TBL1X: variants seen among roughly 807,000 people sequenced by gnomAD.
The protein encoded by TBL1X is F-box-like/WD repeat-containing protein TBL1X.
TBL1X carries 10 observed loss-of-function variants against 50.7 expected under a neutral mutation model. The ratio of observed to expected loss-of-function variants is 0.20; its 90% CI spans 0.12 to 0.33. The LOEUF (loss-of-function observed/expected upper bound fraction) is 0.33, where lower values mean the gene tolerates loss of function less well. Among genes scored for constraint, TBL1X ranks in the 10% least tolerant of loss-of-function variants. The pLI is 1.00. For missense variants in TBL1X, 340 were observed against 504.4 expected, an observed-to-expected ratio of 0.67 and a Z score of 3.12; for synonymous variants, 190 against 214.7, an observed-to-expected ratio of 0.88 and a Z score of 1.01.
At chrX:9,638,891 T>C (rs1420616641) in intron 2 of TBL1X, among the ~76,000 whole-genome samples, 1 of 111,369 alleles carries the variant, frequency 9.0e-6, no homozygotes, top group Non-Finnish European at 1.9e-5. Flanking sequence ...ATAAGGAGTA[T>C]TGTCCTGTTT....
intron 2 of TBL1X, among the ~76,000 whole-genome samples, chrX:9,557,298 A>G (rs1221140049): frequency 1.8e-5 from 2 of 112,552 alleles, no homozygotes; most frequent in Non-Finnish European, 1.9e-5. Flanking sequence ...GACACAATCC[A>G]TTACATATTT....
chrX:9,503,316 C>A (rs755287570), intron 2 of TBL1X, among the ~76,000 whole-genome samples: 1 of 113,050 alleles, frequency 8.8e-6, no homozygotes, highest in Non-Finnish European at 1.9e-5. Context: ...ATTGGAAGAT[C>A]TCACTCGTGA....
intron 2 of TBL1X, among the ~76,000 whole-genome samples, chrX:9,620,522 A>G (rs2082661237): frequency 8.9e-6 from 1 of 111,889 alleles, no homozygotes; most frequent in Non-Finnish European, 1.9e-5. Flanking sequence ...CATGGGTTGG[A>G]GGGGTTTGCA....
chrX:9,690,945 A>G (rs766951634), intron 7 of TBL1X, among the ~76,000 whole-genome samples: 18 of 110,407 alleles, frequency 1.6e-4, no homozygotes, highest in Non-Finnish European at 2.8e-4. Context: ...GGGTCTTGCT[A>G]TGTTGCCCAG....
intron 1 of TBL1X, among the ~76,000 whole-genome samples, chrX:9,472,059 C>T (rs1358188188): frequency 4.5e-5 from 5 of 111,332 alleles, no homozygotes; most frequent in Admixed American, 9.6e-5. Context: ...ACCATCATGT[C>T]GGAGCAAGAA....
At chrX:9,655,412 G>A (rs899864498) in intron 5 of TBL1X, among the ~76,000 whole-genome samples, 3 of 111,318 alleles carry the variant, frequency 2.7e-5, no homozygotes, top group African/African-American at 9.8e-5. Flanking sequence ...CCACGGTAAA[G>A]ACAGATTGGA....
chrX:9,705,859 A>G (rs891973138), intron 13 of TBL1X, among the ~76,000 whole-genome samples: 13 of 111,131 alleles, frequency 1.2e-4, no homozygotes, highest in African/African-American at 4.3e-4. Context: ...AGACTGGGTA[A>G]TTGATAAGAC....
intron 1 of TBL1X, among the ~76,000 whole-genome samples, chrX:9,500,276 CAAA>C (rs386416596): frequency 1.0e-4 from 4 of 39,770 alleles, no homozygotes; most frequent in Admixed American, 4.1e-4. Flanking sequence ...GACCCTGTCT[CAAA>C]AAAAAAAAAA....
Position 9,547,225 on chromosome X carries a change from C to T in TBL1X, c.-131+45376C>T, listed in dbSNP as rs186496488. On this transcript the variant is annotated intron_variant, in intron 2 of 17. Transcript: ENST00000645353. ...CCAGTGGGAACCCCTCCAGGCTGGGCACTGTGTTCTTCTGTCACGCCCCCT... is the reference window on the plus strand; with the variant it reads ...CCAGTGGGAACCCCTCCAGGCTGGGTACTGTGTTCTTCTGTCACGCCCCCT... Among the ~76,000 whole-genome samples, 553 of 111,679 alleles carry T rather than the reference C, an allele frequency of 5.0e-3. 4 individuals carry two copies. Among genetic ancestry groups the T allele is most frequent in the African/African-American group, 0.017 (524 of 30,737 alleles).
At chrX:9,665,140 G>A (rs538459857) in intron 5 of TBL1X, among the ~76,000 whole-genome samples, 7 of 109,404 alleles carry the variant, frequency 6.4e-5, no homozygotes. Context: ...TCAAATAGAC[G>A]TTCACGGCAA....
chrX:9,555,902 A>G (rs1228749821), intron 2 of TBL1X, among the ~76,000 whole-genome samples: 1 of 111,523 alleles, frequency 9.0e-6, no homozygotes, highest in Non-Finnish European at 1.9e-5. Context: ...TAAAGAAATG[A>G]ATGGGTTGGG....
rs192617910 is a variant in TBL1X, at chrX:9,575,846, A to G, written c.-130-64427A>G. Among the ~76,000 whole-genome samples, 7 of 111,776 alleles carry G rather than the reference A, an allele frequency of 6.3e-5. 1 individual carries two copies. Among genetic ancestry groups the G allele is most frequent in the Admixed American group, 2.9e-4 (3 of 10,513 alleles). ...AATGCTGTGCAGAAACTCTTAAGCTATCATTCTTTTAGAAAATGAATTTTA... is the reference window on the plus strand; with the variant it reads ...AATGCTGTGCAGAAACTCTTAAGCTGTCATTCTTTTAGAAAATGAATTTTA... On this transcript the variant is annotated intron_variant, in intron 2 of 17. Transcript: ENST00000645353.
In TBL1X at chrX:9,698,582, G is replaced by C. The variant is rs376077672; in HGVS notation, c.1114+1153G>C. The stretch of plus-strand genomic sequence containing the variant: ...CTCAGTGCCCAGAGTTTTTATTGGG[G>C]GTTGGCCGTGTAAGCACCCAGTGCC... On this transcript the variant is annotated intron_variant, in intron 12 of 17. Transcript: ENST00000645353. 1.8e-4 allele frequency among the ~76,000 whole-genome samples: 20 copies of C among 111,630 alleles called. No individual in the cohort carries two copies. The East Asian group carries it at 4.5e-3, about 25-fold the overall frequency.
intron 1 of TBL1X, among the ~76,000 whole-genome samples, chrX:9,490,220 C>G (rs2081933869): frequency 9.0e-6 from 1 of 111,599 alleles, no homozygotes; most frequent in African/African-American, 3.3e-5. Flanking sequence ...GTCCTCCCAC[C>G]TCGGCCTCCC....
intron 2 of TBL1X, among the ~76,000 whole-genome samples, chrX:9,577,054 T>C (rs1324591713): frequency 2.7e-5 from 3 of 110,915 alleles, no homozygotes; most frequent in African/African-American, 9.9e-5. Context: ...AAAAAAGAGG[T>C]ATCCTTATTT....
At chrX:9,497,773 C>CTCTCTCTCTCT (rs1569207451) in intron 1 of TBL1X, among the ~76,000 whole-genome samples, 1 of 76,315 alleles carries the variant, frequency 1.3e-5, no homozygotes, top group African/African-American at 5.6e-5. Flanking sequence ...TCCCTCCCTC[C>CTCTCTCTCTCT]CTCTCTCTCT....
chrX:9,605,420 C>A (rs778236946), intron 2 of TBL1X, among the ~76,000 whole-genome samples: 1 of 112,426 alleles, frequency 8.9e-6, no homozygotes, highest in African/African-American at 3.2e-5. Flanking sequence ...GGGTCTCTTT[C>A]GATCAGGTAG....
chrX:9,587,967 A>G (rs2082479758), intron 2 of TBL1X, among the ~76,000 whole-genome samples: 1 of 111,713 alleles, frequency 9.0e-6, no homozygotes, highest in Non-Finnish European at 1.9e-5. Flanking sequence ...CACGTGCCAG[A>G]CATTCCTTTC....
intron 16 of TBL1X, among the ~76,000 whole-genome samples, 153 bp from the exon 17 acceptor site, chrX:9,714,749 A>G (rs192629618): frequency 5.3e-5 from 6 of 112,724 alleles, no homozygotes; most frequent in African/African-American, 1.9e-4. Flanking sequence ...GCACATCTCC[A>G]TGGCCCCCAG....
Sources: allele counts gnomAD v4.1 joint callset (sites outside exome capture counted in the v4.1 genomes callset), GRCh38; gene constraint gnomAD v4.1.1; transcripts MANE v1.5; gene names NCBI Gene and HGNC (gene_info 2026-07-23, HGNC 2026-07-21).